Variants in PCDHA4 observed in about 807,000 individuals in gnomAD.
PCDHA4 encodes protocadherin alpha 4, also known as protocadherin alpha-4.
In PCDHA4, 49 loss-of-function variants were observed where a neutral mutation model predicts 61.4. The ratio of observed to expected loss-of-function variants is 0.80; its 90% CI spans 0.63 to 1.01. The LOEUF is 1.01. Ranked by LOEUF, PCDHA4 falls within the 50% of genes least tolerant of loss-of-function variation. PCDHA4 has a pLI of 0.00. For missense variants in PCDHA4, 1,254 were observed against 1,235.8 expected (o/e 1.01, Z -0.22); for synonymous variants, 590 against 550.3 (o/e 1.07, Z -1.01).
intron 3 of PCDHA4, among the ~76,000 whole-genome samples, chr5:140,986,211 C>T (rs1257937611): frequency 1.3e-5 from 2 of 152,126 alleles, no homozygotes; most frequent in African/African-American, 2.4e-5. Flanking sequence ...GATTACTGGC[C>T]CCTTTCTCTA....
chr5:140,889,760 A>T (rs1228592233), intron 1 of PCDHA4, among the ~76,000 whole-genome samples: 1 of 152,158 alleles, frequency 6.6e-6, no homozygotes, highest in Admixed American at 6.5e-5. Flanking sequence ...CTTTCCTTGA[A>T]CTTTGACTGG....
chr5:140,887,624 GT>G (rs1369272233), intron 1 of PCDHA4, among the ~76,000 whole-genome samples: 1 of 151,558 alleles, frequency 6.6e-6, no homozygotes, highest in Non-Finnish European at 1.5e-5. Flanking sequence ...TTTTCTTTAT[GT>G]TAGTCTGTTG....
intron 1 of PCDHA4, among the ~76,000 whole-genome samples, chr5:140,937,865 T>C (rs1056873213): frequency 2.0e-5 from 3 of 149,988 alleles, no homozygotes; most frequent in Non-Finnish European, 2.9e-5. Context: ...TGAGCCGAGA[T>C]CGCGCCACTG....
At chr5:140,823,944 G>A (rs1767937755) in intron 1 of PCDHA4, 1 of 1,613,944 alleles carries the variant, frequency 6.2e-7, no homozygotes, top group Non-Finnish European at 8.5e-7. Context: ...TGCGGTGCTC[G>A]GCGCAGCCCA....
Position 140,829,741 on chromosome 5 carries a change from G to A in PCDHA4, c.2385+20169G>A. The A allele has an allele frequency of 1.9e-6, 3 of 1,613,668 alleles. No homozygotes were observed. The South Asian group carries it at 3.3e-5, about 18-fold the overall frequency. On this transcript the variant is annotated intron_variant, in intron 1 of 3. Transcript: ENST00000530339. ...TGCCGCCTCTGGGCAGCAACGTGACGCTGCAGGTGTTCGTGCTGGACGAGA... is the reference window on the plus strand; with the variant it reads ...TGCCGCCTCTGGGCAGCAACGTGACACTGCAGGTGTTCGTGCTGGACGAGA...
chr5:140,929,257 C>G, intron 1 of PCDHA4: 2 of 1,612,972 alleles, frequency 1.2e-6, no homozygotes, highest in Admixed American at 3.3e-5. Flanking sequence ...TGGGGTAGGA[C>G]TGAATTTGCC....
At position 140,992,285 on chromosome 5, in the gene PCDHA4, A is replaced by G. The variant is rs114469876; in HGVS notation, c.2533+9722A>G. On this transcript the variant is annotated intron_variant, in intron 3 of 3. Transcript: ENST00000530339. ...AGTTCTTTTCGTAGCACATCCCTGCAAAGGATGGGAGTATTGTTTTGGTGG... is the reference window on the plus strand; with the variant it reads ...AGTTCTTTTCGTAGCACATCCCTGCGAAGGATGGGAGTATTGTTTTGGTGG... 2.6e-3 allele frequency among the ~76,000 whole-genome samples: 395 copies of G among 152,336 alleles called. 1 individual carries two copies. The highest frequency in any genetic ancestry group is 8.7e-3 in the African/African-American group (360 of 41,578).
intron 1 of PCDHA4, among the ~76,000 whole-genome samples, chr5:140,958,932 C>T (rs2095452700): frequency 8.5e-6 from 1 of 118,160 alleles, no homozygotes; most frequent in South Asian, 2.5e-4. Flanking sequence ...GTGGCTCATA[C>T]TTGTAATAAT....
At chr5:140,895,138 G>C (rs782496234) in intron 1 of PCDHA4, among the ~76,000 whole-genome samples, 14 of 151,944 alleles carry the variant, frequency 9.2e-5, no homozygotes, top group Non-Finnish European at 1.8e-4. Flanking sequence ...AAGTTCATAG[G>C]GCTAAGACAG....
chr5:140,918,925 T>C (rs2078925990), intron 1 of PCDHA4, among the ~76,000 whole-genome samples: 1 of 152,238 alleles, frequency 6.6e-6, no homozygotes, highest in Non-Finnish European at 1.5e-5. Context: ...ACACAGCATA[T>C]GGCATTTTGT....
intron 1 of PCDHA4, chr5:140,834,620 G>A (rs1773151452): frequency 1.9e-6 from 3 of 1,614,080 alleles, no homozygotes; most frequent in Non-Finnish European, 2.5e-6. Flanking sequence ...AGGTAAATCT[G>A]CAGAATGGCA....
intron 1 of PCDHA4, chr5:140,830,429 C>T (rs2150186384): frequency 6.2e-7 from 1 of 1,613,784 alleles, no homozygotes; most frequent in African/African-American, 1.3e-5. Flanking sequence ...TTCACCTTGT[C>T]CTATTATGAT....
rs185115696 is a variant in PCDHA4, at chr5:140,899,982, A to G, written c.2386-78967A>G. Among the ~76,000 whole-genome samples the G allele has an allele frequency of 7.7e-3, 1,166 of 150,716 alleles. 5 individuals carry two copies. The highest frequency in any genetic ancestry group is 0.018 in the African/African-American group (738 of 41,016). On this transcript the variant is annotated intron_variant, in intron 1 of 3. Coordinates refer to ENST00000530339, the MANE Select transcript of PCDHA4 (RefSeq NM_018907.4). Reference sequence around the variant, plus strand: ...GCTGCCATGCCCAGCTACTTTTTTGATTTTTTTTGTAGAGATGAGGTCTCA... The same window carrying G: ...GCTGCCATGCCCAGCTACTTTTTTGGTTTTTTTTGTAGAGATGAGGTCTCA...
At chr5:140,858,660 TAAC>T in intron 1 of PCDHA4, 1 of 753,410 alleles carries the variant, frequency 1.3e-6, no homozygotes, top group East Asian at 2.7e-5. Flanking sequence ...TTTTTTTAAA[TAAC>T]AATTTATTCT....
intron 1 of PCDHA4, chr5:140,854,657 T>C (rs1554147373): frequency 6.7e-6 from 1 of 149,998 alleles, no homozygotes; most frequent in Non-Finnish European, 1.5e-5. Context: ...ATAAAATAAA[T>C]TAACCCTTGC....
chr5:140,850,624 T>C (rs2150491182), intron 1 of PCDHA4: 1 of 1,598,468 alleles, frequency 6.3e-7, no homozygotes, highest in African/African-American at 1.3e-5. Flanking sequence ...GTGTCTAGCC[T>C]GTTGGTTCTC....
In PCDHA4 at chr5:140,844,228, G is replaced by A. The variant is rs1179181710; in HGVS notation, c.2385+34656G>A. The stretch of plus-strand genomic sequence containing the variant: ...TCTGGTAGTCACAAATATCTTTGGT[G>A]TTTCACTATTGCCGTTTTAAGCAGT... On this transcript the variant is annotated intron_variant, in intron 1 of 3. Transcript: ENST00000530339. Among the ~76,000 whole-genome samples the A allele has an allele frequency of 2.0e-5, 3 of 149,332 alleles. 1 individual carries two copies. Among genetic ancestry groups the A allele is most frequent in the Non-Finnish European group, 3.0e-5 (2 of 66,778 alleles).
At chr5:140,876,740 T>G (rs782650836) in intron 1 of PCDHA4, 2 of 1,614,236 alleles carry the variant, frequency 1.2e-6, no homozygotes, top group East Asian at 4.5e-5. Context: ...GCCTATGAGC[T>G]GGTGGTGACT....
intron 1 of PCDHA4, chr5:140,876,310 G>A: frequency 6.2e-7 from 1 of 1,613,982 alleles, no homozygotes. Flanking sequence ...AATTTCCTAT[G>A]GGATCAAAAT....
Sources: gnomAD v4.1 joint callset for allele counts (sites outside exome capture counted in the v4.1 genomes callset) on GRCh38, gnomAD v4.1.1 for gene constraint, MANE v1.5 for transcripts, NCBI Gene and HGNC (gene_info 2026-07-23, HGNC 2026-07-21) for gene names.